The following PDE1A variants were observed in gnomAD, a reference collection of about 807,000 sequenced individuals.
The protein encoded by PDE1A is phosphodiesterase 1A, also known as dual specificity calcium/calmodulin-dependent 3',5'-cyclic nucleotide phosphodiesterase 1A.
A neutral mutation model predicts 61.7 loss-of-function variants in PDE1A; 35 were observed. The observed-to-expected ratio is 0.57, with a 90% CI of 0.43 to 0.75. The LOEUF (loss-of-function observed/expected upper bound fraction) is 0.75, where lower values mean the gene tolerates loss of function less well. Ranked by LOEUF, PDE1A falls within the 30% of genes least tolerant of loss-of-function variation. The pLI is 0.00. For synonymous variants in PDE1A, 232 were observed against 213.2 expected (o/e 1.09, Z -0.77); for missense variants, 597 against 630.6 (o/e 0.95, Z 0.57).
rs374479434 is a variant in PDE1A at position 182,347,521 on chromosome 2, T to C, written c.53+79057A>G. The stretch of plus-strand genomic sequence containing the variant: ...CGTAATCTCCTTTAATAACATACTT[T>C]CTTTGCCTCTGGTACAATCATGGAT... On this transcript the variant is annotated intron_variant, in intron 1 of 13. Transcript: ENST00000351439. 2.0e-5 allele frequency among the ~76,000 whole-genome samples: 3 copies of C among 152,150 alleles called. No individual in the cohort carries two copies. In the East Asian group the frequency reaches 5.8e-4, roughly 29 times the overall value.
intron 1 of PDE1A, among the ~76,000 whole-genome samples, chr2:182,326,873 C>T (rs751600760): frequency 9.2e-5 from 14 of 152,134 alleles, no homozygotes; most frequent in African/African-American, 2.9e-4. Flanking sequence ...ATTGGTGATT[C>T]AGTCTTTCAA....
intron 2 of PDE1A, among the ~76,000 whole-genome samples, chr2:182,466,944 C>A (rs995575472): frequency 6.6e-6 from 1 of 151,998 alleles, no homozygotes; most frequent in Non-Finnish European, 1.5e-5. Context: ...CTCTGCTCTT[C>A]CCATACGGGT....
chr2:182,516,454 C>T (rs1324006438), intron 2 of PDE1A, among the ~76,000 whole-genome samples: 1 of 151,920 alleles, frequency 6.6e-6, no homozygotes, highest in Non-Finnish European at 1.5e-5. Flanking sequence ...CATTCAAGAC[C>T]AGCCTGAGCA....
chr2:182,692,364 T>G, the PDE1A span, among the ~76,000 whole-genome samples: 1 of 152,104 alleles, frequency 6.6e-6, no homozygotes, highest in African/African-American at 2.4e-5. Context: ...TTCATGTCCT[T>G]TGTAGGGACA....
intron 8 of PDE1A, among the ~76,000 whole-genome samples, chr2:182,203,261 A>G (rs867745407): frequency 6.6e-6 from 1 of 152,146 alleles, no homozygotes; most frequent in Non-Finnish European, 1.5e-5. Context: ...CAGAGCTTGC[A>G]GTGAGCCGAG....
the PDE1A span, among the ~76,000 whole-genome samples, chr2:182,572,847 C>A: frequency 3.1e-5 from 4 of 129,152 alleles, no homozygotes; most frequent in Admixed American, 9.2e-5. Flanking sequence ...CCAGTCTGGG[C>A]GACAGAGCGA....
At chr2:182,487,930 T>C (rs940317909) in intron 2 of PDE1A, among the ~76,000 whole-genome samples, 8 of 152,162 alleles carry the variant, frequency 5.3e-5, no homozygotes, top group African/African-American at 1.7e-4. Context: ...AGGGGTTCAT[T>C]AATGTCAGAA....
intron 13 of PDE1A, among the ~76,000 whole-genome samples, chr2:182,159,880 G>C (rs898881951): frequency 2.0e-5 from 3 of 152,124 alleles, no homozygotes; most frequent in Admixed American, 6.6e-5. Context: ...TTGAGCCCAG[G>C]AGTTTGAGGC....
At chr2:182,530,506 G>A in the PDE1A span, among the ~76,000 whole-genome samples, 2 of 151,088 alleles carry the variant, frequency 1.3e-5, no homozygotes, top group East Asian at 1.9e-4. Context: ...AACTAAAGAT[G>A]AGGAAAAAAT....
the PDE1A span, among the ~76,000 whole-genome samples, chr2:182,589,234 AAG>A: frequency 1.4e-5 from 2 of 147,268 alleles, no homozygotes; most frequent in East Asian, 4.1e-4. Context: ...AAAAGAAAAA[AAG>A]GGGAAAAAAA....
chr2:182,149,484 G>C (rs755744540), intron 13 of PDE1A, among the ~76,000 whole-genome samples: 1 of 152,118 alleles, frequency 6.6e-6, no homozygotes, highest in Non-Finnish European at 1.5e-5. Flanking sequence ...CACTGAAAAA[G>C]GGTCTTCCTT....
chr2:182,326,382 C>T (rs1697049792), intron 1 of PDE1A, among the ~76,000 whole-genome samples: 1 of 151,948 alleles, frequency 6.6e-6, no homozygotes, highest in Non-Finnish European at 1.5e-5. Flanking sequence ...TATTATTCAC[C>T]CTTAAAAAGC....
At chr2:182,245,589 A>G (rs1281505717) in intron 2 of PDE1A, among the ~76,000 whole-genome samples, 3 of 152,112 alleles carry the variant, frequency 2.0e-5, no homozygotes, top group Admixed American at 6.5e-5. Context: ...AGACCATCAG[A>G]TACTTAGTAT....
chr2:182,562,646 G>A, the PDE1A span, among the ~76,000 whole-genome samples: 1 of 151,948 alleles, frequency 6.6e-6, no homozygotes, highest in Non-Finnish European at 1.5e-5. Context: ...CTTCCTCCTT[G>A]TACCTCTGGT....
rs564691227 is a variant in PDE1A at position 182,383,074 on chromosome 2, C to G, written c.53+43504G>C. On this transcript the variant is annotated intron_variant, in intron 1 of 13. Transcript: ENST00000351439. ...GTCCCAAGTCTTCTCCTTGCCTCAT[C>G]TGCAATTAATCCCATTCTCCAAGAC... is the stretch of plus-strand genomic sequence containing the variant. Among the ~76,000 whole-genome samples the G allele has an allele frequency of 5.9e-5, 9 of 152,294 alleles. No homozygotes were observed. The East Asian group carries it at 1.7e-3, about 29-fold the overall frequency.
chr2:182,365,774 C>T (rs759915664), intron 1 of PDE1A, among the ~76,000 whole-genome samples: 3 of 152,002 alleles, frequency 2.0e-5, no homozygotes, highest in Non-Finnish European at 4.4e-5. Flanking sequence ...AAAATCTCTA[C>T]TTGTTAGCCT....
the PDE1A span, among the ~76,000 whole-genome samples, chr2:182,707,910 G>A: frequency 6.6e-6 from 1 of 152,160 alleles, no homozygotes; most frequent in Non-Finnish European, 1.5e-5. Flanking sequence ...CAAAGTTACA[G>A]CTAGGTAGGA....
the PDE1A span, among the ~76,000 whole-genome samples, chr2:182,618,432 A>C: frequency 5.6e-3 from 853 of 152,294 alleles, 10 homozygotes; most frequent in African/African-American, 0.019. Flanking sequence ...AACTCGTTAT[A>C]GTATCTTTTG....
intron 1 of PDE1A, among the ~76,000 whole-genome samples, chr2:182,296,273 C>T (rs535360620): frequency 8.5e-5 from 13 of 152,238 alleles, no homozygotes; most frequent in African/African-American, 2.6e-4. Flanking sequence ...AGATTTCTAT[C>T]ATCTTTTTCT....
Sources: gnomAD v4.1 joint callset for allele counts (sites outside exome capture counted in the v4.1 genomes callset) on GRCh38, gnomAD v4.1.1 for gene constraint, MANE v1.5 for transcripts, NCBI Gene and HGNC (gene_info 2026-07-23, HGNC 2026-07-21) for gene names.